COL4A2: variants seen among roughly 807,000 people sequenced by gnomAD.
COL4A2 encodes the protein collagen alpha-2(IV) chain.
Under a neutral mutation model 200.2 loss-of-function variants are expected in COL4A2, and 99 were observed. The observed-to-expected ratio is 0.49, with a 90% CI of 0.42 to 0.58. The LOEUF is 0.58. COL4A2 is among the 20% of genes least tolerant of loss of function. COL4A2 has a pLI of 0.00. For missense variants in COL4A2, 1,950 were observed against 2,314.1 expected, an observed-to-expected ratio of 0.84 and a Z score of 3.23; for synonymous variants, 897 against 900.6, an observed-to-expected ratio of 1.00 and a Z score of 0.07.
intron 4 of COL4A2, among the ~76,000 whole-genome samples, chr13:110,404,323 A>G (rs1879484921): frequency 6.6e-6 from 1 of 152,234 alleles, no homozygotes; most frequent in Non-Finnish European, 1.5e-5. Context: ...CCTCTACAAT[A>G]CCAGACTTAT....
At chr13:110,368,529 G>A (rs1877852260) in intron 4 of COL4A2, among the ~76,000 whole-genome samples, 1 of 152,170 alleles carries the variant, frequency 6.6e-6, no homozygotes, top group African/African-American at 2.4e-5. Flanking sequence ...AATAGAAAGA[G>A]AGGTTTCTTT....
chr13:110,507,818 C>A (rs1355375913), intron 46 of COL4A2, 117 bp from the exon 47 acceptor site: 5 of 1,096,434 alleles, frequency 4.6e-6, no homozygotes, highest in Non-Finnish European at 6.7e-6. Flanking sequence ...GGTGGCTAAA[C>A]TCCACCAGGT....
chr13:110,311,554 G>C (rs1471010775), intron 3 of COL4A2, among the ~76,000 whole-genome samples: 1 of 152,156 alleles, frequency 6.6e-6, no homozygotes, highest in South Asian at 2.1e-4. Context: ...CTCATAGATG[G>C]GGGTGCTGTG....
In COL4A2 at chr13:110,445,848, G is replaced by T; in HGVS notation, c.977G>T (p.Gly326Val). Residue 326 changes from glycine to valine, a missense_variant, in exon 17 of 48, where the codon GGC (glycine) becomes GTC (valine). Coordinates refer to ENST00000360467, the MANE Select transcript of COL4A2 (RefSeq NM_001846.4). ...TTGCAGGGAAGCCGAGGCCTGGATG[G>T]CTATCAAGGGCCTGATGGACCCCGG... ...PGQKGSRGLD[G>V]YQGPDGPRGP... The T allele has an allele frequency of 6.2e-7, 1 of 1,614,196 alleles. No individual in the cohort carries two copies. Among genetic ancestry groups the T allele is most frequent in the Non-Finnish European group, 8.5e-7 (1 of 1,180,038 alleles).
intron 6 of COL4A2, among the ~76,000 whole-genome samples, chr13:110,426,152 TG>T (rs1880464846): frequency 6.6e-6 from 1 of 152,242 alleles, no homozygotes; most frequent in African/African-American, 2.4e-5. Context: ...TTCATACTAA[TG>T]GCCTGAATCT....
At chr13:110,385,191 G>A (rs1288476230) in intron 4 of COL4A2, among the ~76,000 whole-genome samples, 2 of 152,078 alleles carry the variant, frequency 1.3e-5, no homozygotes, top group African/African-American at 4.8e-5. Flanking sequence ...GAATCCGGGA[G>A]GTGGAGCTTG....
chr13:110,403,716 C>A (rs760825878), intron 4 of COL4A2, among the ~76,000 whole-genome samples: 2 of 152,180 alleles, frequency 1.3e-5, no homozygotes, highest in Non-Finnish European at 2.9e-5. Flanking sequence ...CAGACCCTAC[C>A]CATTACCCAG....
intron 3 of COL4A2, among the ~76,000 whole-genome samples, chr13:110,356,468 C>T (rs1054908498): frequency 6.6e-6 from 1 of 152,260 alleles, no homozygotes; most frequent in Admixed American, 6.5e-5. Flanking sequence ...ATGGCCCTCC[C>T]TTTGATCACC....
chr13:110,439,301 C>G (rs1450266498), intron 15 of COL4A2, among the ~76,000 whole-genome samples: 1 of 152,146 alleles, frequency 6.6e-6, no homozygotes, highest in Non-Finnish European at 1.5e-5. Context: ...TTACATTCTC[C>G]AAAAATAAGA....
chr13:110,483,149 G>T (rs943239752), intron 32 of COL4A2, among the ~76,000 whole-genome samples: 17 of 152,146 alleles, frequency 1.1e-4, no homozygotes, highest in Non-Finnish European at 2.9e-5. Context: ...CCCACGTAAG[G>T]CCCCTCGTTC....
intron 44 of COL4A2, 74 bp from the exon 45 acceptor site, chr13:110,504,074 G>A: frequency 6.3e-7 from 1 of 1,579,758 alleles, no homozygotes; most frequent in Non-Finnish European, 8.7e-7. Flanking sequence ...GTCCTCTTGT[G>A]TTCTCTTTGT....
At chr13:110,373,475 T>A (rs140162389) in intron 4 of COL4A2, among the ~76,000 whole-genome samples, 202 of 152,346 alleles carry the variant, frequency 1.3e-3, no homozygotes, top group Middle Eastern at 3.4e-3. Context: ...AGAACAGTCC[T>A]CCTGATGTGA....
chr13:110,484,806 G>T (rs1029162930), intron 32 of COL4A2, 99 bp from the exon 33 acceptor site: 3 of 1,438,306 alleles, frequency 2.1e-6, no homozygotes, highest in East Asian at 2.3e-5. Context: ...CTGCTTGGGG[G>T]AGACGTGCAG....
At chr13:110,435,394 T>C (rs1880833687) in intron 12 of COL4A2, among the ~76,000 whole-genome samples, 1 of 151,920 alleles carries the variant, frequency 6.6e-6, no homozygotes, top group African/African-American at 2.4e-5. Flanking sequence ...GAAGTTAGAG[T>C]CTACAGTCTA....
intron 29 of COL4A2, chr13:110,473,376 C>A: frequency 1.9e-6 from 1 of 520,084 alleles, no homozygotes; most frequent in Non-Finnish European, 3.4e-6. Flanking sequence ...AGAACTTTGA[C>A]AGGTGTGGAT....
chr13:110,483,911 T>C (rs1433000503), intron 32 of COL4A2, among the ~76,000 whole-genome samples: 1 of 152,168 alleles, frequency 6.6e-6, no homozygotes, highest in African/African-American at 2.4e-5. Flanking sequence ...AGTTGTAGGG[T>C]ATATAAATTA....
At chr13:110,457,756 C>T (rs1881830757) in intron 21 of COL4A2, 1 of 505,868 alleles carries the variant, frequency 2.0e-6, no homozygotes, top group East Asian at 5.8e-5. Context: ...TCTTAGGCTG[C>T]ACTCAGGTAG....
chr13:110,492,558 G>T (rs186894029), intron 38 of COL4A2, among the ~76,000 whole-genome samples: 214 of 152,314 alleles, frequency 1.4e-3, no homozygotes, highest in African/African-American at 5.0e-3. Context: ...TTACAGCCCC[G>T]AGACGGGCCA....
intron 3 of COL4A2, among the ~76,000 whole-genome samples, chr13:110,336,589 C>CA (rs1210170198): frequency 6.6e-6 from 1 of 152,100 alleles, no homozygotes; most frequent in Non-Finnish European, 1.5e-5. Flanking sequence ...GTTAAACATA[C>CA]TGTTGTTCCC....
Sources: gnomAD v4.1 joint callset for allele counts (sites outside exome capture counted in the v4.1 genomes callset) on GRCh38, gnomAD v4.1.1 for gene constraint, MANE v1.5 for transcripts, NCBI Gene and HGNC (gene_info 2026-07-23, HGNC 2026-07-21) for gene names.